The following AHNAK variants were observed in gnomAD, a reference collection of about 807,000 sequenced individuals.
AHNAK encodes the protein neuroblast differentiation-associated protein AHNAK.
A neutral mutation model predicts 37.8 loss-of-function variants in AHNAK; 23 were observed. That is an observed-to-expected ratio of 0.61 (90% CI 0.44 to 0.86). AHNAK has a LOEUF of 0.86. AHNAK is among the 40% of genes least tolerant of loss of function. The probability of loss-of-function intolerance (pLI) is 0.00; values close to 1 mark genes in which losing one functional copy is unlikely to be tolerated. For synonymous variants in AHNAK, 2,481 were observed against 2,636.3 expected (o/e 0.94, Z 1.80); for missense variants, 7,411 against 7,319.4 (o/e 1.01, Z -0.46).
chr11:62,527,457 A>G lies in AHNAK; in HGVS notation c.6960T>C (p.Asn2320=), dbSNP rs917086609. The part of the protein sequence containing the change: ...PKISMPDVDF[N]LKGPKIKGDV... Reference sequence around the variant, plus strand: ...CTCCTTTGATTTTGGGTCCCTTTAAATTGAAATCAACATCAGGCATGGAGA... The same window carrying G: ...CTCCTTTGATTTTGGGTCCCTTTAAGTTGAAATCAACATCAGGCATGGAGA... Residue 2320 remains asparagine (N), a synonymous_variant, in exon 5 of 5, where the codon AAT becomes AAC. Coordinates refer to ENST00000378024, the MANE Select transcript of AHNAK (RefSeq NM_001620.3). 1 of 1,613,982 alleles carries G rather than the reference A, an allele frequency of 6.2e-7. No homozygotes were observed. The highest frequency in any genetic ancestry group is 8.5e-7 in the Non-Finnish European group (1 of 1,179,982).
In AHNAK at chr11:62,517,523, G is replaced by T. The variant is rs761207153; in HGVS notation, c.16894C>A (p.Gln5632Lys). 2 of 1,614,132 alleles carry T rather than the reference G, an allele frequency of 1.2e-6. No individual in the cohort carries two copies. Among genetic ancestry groups the T allele is most frequent in the Non-Finnish European group, 8.5e-7 (1 of 1,180,042 alleles). ...PKVEGGVKGG[Q>K]IGLQAPGLSV... The stretch of plus-strand genomic sequence containing the variant: ...AGCCCAGGAGCCTGGAGTCCAATCT[G>T]ACCTCCTTTCACACCTCCTTCCACC... Residue 5632 changes from glutamine to lysine, a missense_variant, in exon 5 of 5, where the codon CAG (glutamine) becomes AAG (lysine). Transcript: ENST00000378024.
At chr11:62,465,483 G>T (rs1299598882) in intron 5 of AHNAK, among the ~76,000 whole-genome samples, 2 of 151,846 alleles carry the variant, frequency 1.3e-5, no homozygotes, top group Non-Finnish European at 2.9e-5. Context: ...CGTTGTGGCA[G>T]GCGCCTGTAA....
At chr11:62,500,144 T>C (rs1423497990) in intron 4 of AHNAK, among the ~76,000 whole-genome samples, 2 of 152,206 alleles carry the variant, frequency 1.3e-5, no homozygotes, top group African/African-American at 4.8e-5. Context: ...AGATTAAACA[T>C]AGTCTAGTTG....
At chr11:62,452,584 T>C (rs1215093585) in intron 5 of AHNAK, among the ~76,000 whole-genome samples, 2 of 152,206 alleles carry the variant, frequency 1.3e-5, no homozygotes, top group Non-Finnish European at 1.5e-5. Flanking sequence ...TTCATGTTCA[T>C]GCCATATTTT....
chr11:62,434,955 G>C (rs12807659), intron 5 of AHNAK, among the ~76,000 whole-genome samples: 3,582 of 94,526 alleles, frequency 0.038, 67 homozygotes, highest in Non-Finnish European at 0.062. Flanking sequence ...AAAAAAAAAA[G>C]CCAGCTTTCT....
In AHNAK at chr11:62,532,754, G is replaced by C; in HGVS notation, c.1663C>G (p.Pro555Ala). 1 of 1,614,036 alleles carries C rather than the reference G, an allele frequency of 6.2e-7. No homozygotes were observed. The highest frequency in any genetic ancestry group is 8.5e-7 in the Non-Finnish European group (1 of 1,180,016). ...TTCCCGGAAGGACTGCCAAGCCTAGGGCCTGTCAAGGTTCCCTCTAGGTTT... is the reference window on the plus strand; with the variant it reads ...TTCCCGGAAGGACTGCCAAGCCTAGCGCCTGTCAAGGTTCCCTCTAGGTTT... ...TPNLEGTLTG[P>A]RLGSPSGKTG... Residue 555 changes from proline to alanine, a missense_variant, in exon 5 of 5, where the codon CCT (proline) becomes GCT (alanine). By Grantham distance (27) the Pro-to-Ala change is conservative (BLOSUM62 -1). Coordinates refer to ENST00000378024, the MANE Select transcript of AHNAK (RefSeq NM_001620.3).
Position 62,519,553 on chromosome 11 carries a change from T to A in AHNAK, c.14864A>T (p.Asp4955Val), listed in dbSNP as rs1269460598. Residue 4955 changes from aspartate to valine, a missense_variant, in exon 5 of 5, where the codon GAT becomes GTT. By Grantham distance (152) the Asp-to-Val change is radical. Transcript: ENST00000378024. ...KGPKVEAPSL[D>V]VHMDSPDINI... ...AATATCTGGGCTGTCCATGTGTACA[T>A]CTAAGCTTGGAGCTTCAACTTTGGG... 6.2e-7 allele frequency: 1 copy of A among 1,611,696 alleles called. No individual in the cohort carries two copies. Among genetic ancestry groups the A allele is most frequent in the Non-Finnish European group, 8.5e-7 (1 of 1,178,970 alleles).
At chr11:62,469,877 T>G (rs1473009684) in intron 5 of AHNAK, among the ~76,000 whole-genome samples, 1 of 152,126 alleles carries the variant, frequency 6.6e-6, no homozygotes, top group African/African-American at 2.4e-5. Context: ...GTTCACAAAG[T>G]GGACAAGATA....
Position 62,532,853 on chromosome 11 carries a change from CA to C in AHNAK, c.1563del (p.Ala522LeufsTer22). ...SPKLKGDIKV[S>X]APGVQGDVKG... Reference sequence around the variant, plus strand: ...TTAACATCACCTTGCACCCCAGGAGCAGAAACCTTAATATCTCCTTTCAGTT... The same window carrying C: ...TTAACATCACCTTGCACCCCAGGAGCGAAACCTTAATATCTCCTTTCAGTT... On this transcript the variant is annotated frameshift_variant, in exon 5 of 5. Transcript: ENST00000378024. LOFTEE classifies it low-confidence loss of function (END_TRUNC). The C allele has an allele frequency of 6.2e-7, 1 of 1,614,086 alleles. No individual in the cohort carries two copies. The highest frequency in any genetic ancestry group is 8.5e-7 in the Non-Finnish European group (1 of 1,179,980).
At chr11:62,483,481 C>T (rs1939318389) in intron 5 of AHNAK, among the ~76,000 whole-genome samples, 1 of 152,074 alleles carries the variant, frequency 6.6e-6, no homozygotes, top group African/African-American at 2.4e-5. Context: ...AATCCCAGCA[C>T]TCTGGGAGGC....
chr11:62,509,832 C>T (rs1030860217), intron 4 of AHNAK, among the ~76,000 whole-genome samples: 11 of 151,940 alleles, frequency 7.2e-5, no homozygotes, highest in African/African-American at 1.2e-4. Context: ...ACAGGAGAAT[C>T]GCCTGAACCT....
chr11:62,449,270 C>A (rs1590589250), intron 5 of AHNAK, among the ~76,000 whole-genome samples: 2 of 152,192 alleles, frequency 1.3e-5, no homozygotes, highest in African/African-American at 4.8e-5. Flanking sequence ...CTGGCTGGGG[C>A]CCTTCCAGCC....
In AHNAK at chr11:62,528,502, A is replaced by C; in HGVS notation, c.5915T>G (p.Leu1972Trp). The change falls in exon 5 of 5, where the codon TTG becomes TGG. Residue 1972 changes from leucine to tryptophan, a missense_variant. Leu to Trp is a moderately conservative substitution (Grantham distance 61). Coordinates refer to ENST00000378024, the MANE Select transcript of AHNAK (RefSeq NM_001620.3). ...AGGCATCTTAAACTTGGGCCCTTTC[A>C]ACTTTGCATCAGGACACTCCAGCTC... ...DVELECPDAK[L>W]KGPKFKMPEM... 6.2e-7 allele frequency: 1 copy of C among 1,612,090 alleles called. No individual in the cohort carries two copies. Among genetic ancestry groups the C allele is most frequent in the Non-Finnish European group, 8.5e-7 (1 of 1,179,622 alleles).
chr11:62,534,954 G>A (rs772514411), intron 4 of AHNAK, 49 bp downstream of exon 4: 23 of 1,575,406 alleles, frequency 1.5e-5, no homozygotes, highest in South Asian at 4.5e-5. Flanking sequence ...TCAGCAGGCC[G>A]GCATGGCCGG....
At chr11:62,470,925 G>C (rs1476466555) in intron 5 of AHNAK, among the ~76,000 whole-genome samples, 1 of 152,126 alleles carries the variant, frequency 6.6e-6, no homozygotes, top group Non-Finnish European at 1.5e-5. Flanking sequence ...GCCTGTTCCA[G>C]TCCCCCGAGA....
At chr11:62,488,389 A>G (rs1055189826) in intron 5 of AHNAK, among the ~76,000 whole-genome samples, 5 of 150,386 alleles carry the variant, frequency 3.3e-5, no homozygotes, top group Admixed American at 2.6e-4. Context: ...GGAGCTTGCC[A>G]TCATCTGTCT....
intron 5 of AHNAK, among the ~76,000 whole-genome samples, chr11:62,489,582 T>G (rs1193388628): frequency 6.6e-6 from 1 of 151,764 alleles, no homozygotes; most frequent in East Asian, 1.9e-4. Context: ...ACATTGGAAA[T>G]GTTAAGAAGG....
At position 62,525,099 on chromosome 11, in the gene AHNAK, C is replaced by T. The variant is rs746728681; in HGVS notation, c.9318G>A (p.Lys3106=). The T allele has an allele frequency of 4.2e-5, 68 of 1,613,942 alleles. No individual in the cohort carries two copies. In the South Asian group the frequency reaches 6.4e-4, roughly 15 times the overall value. Residue 3106 remains lysine, a synonymous_variant, in exon 5 of 5, where the codon AAG becomes AAA. Coordinates refer to ENST00000378024, the MANE Select transcript of AHNAK (RefSeq NM_001620.3). ...TTGGCAGAGACACATCCATGTCACCCTTCACTTTGGGACCTTTCAGGTTAA... is the reference window on the plus strand; with the variant it reads ...TTGGCAGAGACACATCCATGTCACCTTTCACTTTGGGACCTTTCAGGTTAA... ...IDLNLKGPKV[K]GDMDVSLPKV...
chr11:62,542,986 G>C (rs1294755324), intron 1 of AHNAK, among the ~76,000 whole-genome samples: 1 of 152,146 alleles, frequency 6.6e-6, no homozygotes, highest in African/African-American at 2.4e-5. Context: ...AGGCCGCTCC[G>C]GCTCTGTCGC....
Sources: allele counts gnomAD v4.1 joint callset (sites outside exome capture counted in the v4.1 genomes callset), GRCh38; gene constraint gnomAD v4.1.1; transcripts MANE v1.5; gene names NCBI Gene and HGNC (gene_info 2026-07-23, HGNC 2026-07-21).